Variants in IL18BP observed in about 807,000 individuals in gnomAD.
The protein encoded by IL18BP is interleukin-18-binding protein.
IL18BP carries 23 observed loss-of-function variants against 19.9 expected under a neutral mutation model. The observed-to-expected ratio is 1.15, with a 90% CI of 0.83 to 1.64. The LOEUF is 1.64. Among genes scored for constraint, IL18BP ranks in the 40% most tolerant of loss-of-function variants. The probability of loss-of-function intolerance (pLI) is 0.00; values close to 1 mark genes in which losing one functional copy is unlikely to be tolerated. For synonymous variants in IL18BP, 107 were observed against 101.0 expected (o/e 1.06, Z -0.35); for missense variants, 239 against 240.7 (o/e 0.99, Z 0.05).
chr11:71,999,191 C>T (rs779534322), intron 1 of IL18BP, 172 bp downstream of exon 1: 2 of 512,646 alleles, frequency 3.9e-6, no homozygotes, highest in Non-Finnish European at 7.8e-6. Context: ...ACTGGTATGG[C>T]ATTGAGCCTG....
In IL18BP at chr11:72,000,353, C is replaced by T. The variant is rs768254158; in HGVS notation, c.31C>T (p.Leu11Phe). The T allele has an allele frequency of 6.8e-6, 11 of 1,613,698 alleles. No individual in the cohort carries two copies. In the East Asian group the frequency reaches 2.2e-4, roughly 33 times the overall value. Residue 11 changes from leucine (L) to phenylalanine (F), a missense_variant and splice_region_variant, in exon 3 of 6, where the codon CTC (leucine) becomes TTC (phenylalanine). By Grantham distance (22) the Leu-to-Phe change is conservative (BLOSUM62 0). Transcript: ENST00000393703. ...ACCTGTAACTGTCCTTTCCTCAGACCTCAGCCCTTTGTGGGTCCTGCTCCT... is the reference window on the plus strand; with the variant it reads ...ACCTGTAACTGTCCTTTCCTCAGACTTCAGCCCTTTGTGGGTCCTGCTCCT... The part of the protein sequence containing the change: MTMRHNWTPD[L>F]SPLWVLLLCA...
downstream of IL18BP, among the ~76,000 whole-genome samples, chr11:72,006,944 T>G (rs1590863941): frequency 6.6e-6 from 1 of 152,238 alleles, no homozygotes. Flanking sequence ...CTGCACAGGC[T>G]CAGTGCTACG....
intron 1 of IL18BP, 153 bp from the exon 2 acceptor site, chr11:71,999,774 G>A (rs142110683): frequency 3.9e-4 from 229 of 587,548 alleles, no homozygotes; most frequent in Non-Finnish European, 6.5e-4. Flanking sequence ...CTGGGGTGGG[G>A]AAGGATTGTC....
At chr11:72,004,404 C>T (rs1045003361), downstream of IL18BP, 13 of 1,458,384 alleles carry the variant, frequency 8.9e-6, no homozygotes, top group African/African-American at 1.6e-4. Flanking sequence ...AGCCAGGTGT[C>T]TTGTCCTCTC....
downstream of IL18BP, chr11:72,004,233 T>C: frequency 6.2e-7 from 1 of 1,610,774 alleles, no homozygotes; most frequent in African/African-American, 1.3e-5. Flanking sequence ...ACCTGTTTAG[T>C]AGAAGCTGGA....
At chr11:71,999,879 A>G (rs565954540) in intron 1 of IL18BP, 48 bp from the exon 2 acceptor site, 214 of 1,163,740 alleles carry the variant, frequency 1.8e-4, no homozygotes, top group Non-Finnish European at 2.5e-4. Flanking sequence ...CCAGCTACTG[A>G]GAAAAAGCGG....
chr11:72,003,835 G>C (rs1955447014), downstream of IL18BP: 2 of 1,579,840 alleles, frequency 1.3e-6, no homozygotes, highest in African/African-American at 1.3e-5. Context: ...CGGTCTGGGG[G>C]GTGCCCATGC....
chr11:72,001,905 TG>T lies in IL18BP; in HGVS notation c.*47del. 6.2e-7 allele frequency: 1 copy of T among 1,612,912 alleles called. No homozygotes were observed. Among genetic ancestry groups the T allele is most frequent in the Non-Finnish European group, 8.5e-7 (1 of 1,179,416 alleles). On this transcript the variant is annotated 3_prime_UTR_variant, in exon 6 of 6. Transcript: ENST00000393703. ...CAGCAGCACAACCTTGACCAGAGCT[TG>T]GGTCCTACCTGTCTACCTGGAGTGA...
Position 72,001,508 on chromosome 11 carries a change from C to A in IL18BP, c.463C>A (p.Pro155Thr). Residue 155 changes from proline to threonine, a missense_variant, in exon 5 of 6, where the codon CCT (proline) becomes ACT (threonine). Transcript: ENST00000393703. ...STNFSCVLVDPEQVVQRHVVL... is the reference protein window; with the variant it reads ...STNFSCVLVDTEQVVQRHVVL... ...CAACTTCTCCTGTGTGCTCGTGGAC[C>A]CTGAACAGGTTGTCCAGCGTCACGT... 4 of 1,613,948 alleles carry A rather than the reference C, an allele frequency of 2.5e-6. No homozygotes were observed. Among genetic ancestry groups the A allele is most frequent in the Non-Finnish European group, 2.5e-6 (3 of 1,179,930 alleles).
chr11:72,006,472 G>T (rs77660970), downstream of IL18BP, among the ~76,000 whole-genome samples: 6 of 152,162 alleles, frequency 3.9e-5, no homozygotes, highest in Non-Finnish European at 8.8e-5. Flanking sequence ...ACTCTTCTAC[G>T]CATTTTTTTC....
At chr11:72,005,500 T>C, downstream of IL18BP, 1 of 799,480 alleles carries the variant, frequency 1.3e-6, no homozygotes, top group Non-Finnish European at 2.0e-6. Flanking sequence ...TCTGATTCAG[T>C]GCCGCAGGTG....
chr11:72,005,516 G>T, downstream of IL18BP: 2 of 695,274 alleles, frequency 2.9e-6, no homozygotes, highest in Non-Finnish European at 4.8e-6. Context: ...AGGTGCAGGA[G>T]TACGGCACAC....
chr11:72,000,458 A>G lies in IL18BP; in HGVS notation c.136A>G (p.Ser46Gly). 1 of 1,614,096 alleles carries G rather than the reference A, an allele frequency of 6.2e-7. No homozygotes were observed. Among genetic ancestry groups the G allele is most frequent in the Non-Finnish European group, 8.5e-7 (1 of 1,180,018 alleles). Reference protein sequence around the residue: ...TTTAATASVRSTKDPCPSQPP... With the variant: ...TTTAATASVRGTKDPCPSQPP... ...CACAGCTGCCACTGCCTCAGTTAGA[A>G]GCACAAAGGACCCCTGCCCCTCCCA... Residue 46 changes from serine to glycine, a missense_variant, in exon 3 of 6, where the codon AGC (serine) becomes GGC (glycine). Physicochemically the swap from Ser to Gly is moderately conservative, Grantham distance 56 (BLOSUM62 0). Coordinates refer to ENST00000393703, the MANE Select transcript of IL18BP (RefSeq NM_001039660.2).
At chr11:72,005,445 C>G, downstream of IL18BP, 3 of 1,428,162 alleles carry the variant, frequency 2.1e-6, no homozygotes, top group South Asian at 2.4e-5. Context: ...ATCTTGCCAG[C>G]CTTTGCTGCC....
chr11:72,003,945 G>A, downstream of IL18BP: 2 of 1,613,702 alleles, frequency 1.2e-6, no homozygotes, highest in Non-Finnish European at 1.7e-6. Flanking sequence ...GCTGGCTGTG[G>A]TGGTGGCAAT....
chr11:72,004,453 T>G, downstream of IL18BP: 2 of 1,221,760 alleles, frequency 1.6e-6, no homozygotes, highest in Non-Finnish European at 2.4e-6. Flanking sequence ...TGCAACCTGC[T>G]CCCCTTCCCA....
At chr11:72,007,080 T>C (rs1955770136), downstream of IL18BP, 5 of 1,340,218 alleles carry the variant, frequency 3.7e-6, no homozygotes, top group East Asian at 4.6e-5. Flanking sequence ...CACTGTAACA[T>C]GGACTGGCTG....
downstream of IL18BP, chr11:72,004,620 C>A (rs1287867804): frequency 1.2e-6 from 2 of 1,608,396 alleles, no homozygotes; most frequent in Non-Finnish European, 1.7e-6. Flanking sequence ...GGAGTAACAC[C>A]CAGGAGCCAC....
At chr11:72,004,316 G>A (rs1159138091), downstream of IL18BP, 1 of 1,613,110 alleles carries the variant, frequency 6.2e-7, no homozygotes, top group East Asian at 2.2e-5. Context: ...CATGGGGCGT[G>A]GGAAACAGCT....
Sources: gnomAD v4.1 joint callset for allele counts (sites outside exome capture counted in the v4.1 genomes callset) on GRCh38, gnomAD v4.1.1 for gene constraint, MANE v1.5 for transcripts, NCBI Gene and HGNC (gene_info 2026-07-23, HGNC 2026-07-21) for gene names.